The following ANKFY1 variants were observed in gnomAD, a reference collection of about 807,000 sequenced individuals.
ANKFY1 encodes ankyrin repeat and FYVE domain containing 1, also known as ankyrin repeat and FYVE domain-containing protein 1.
Under a neutral mutation model 128.3 loss-of-function variants are expected in ANKFY1, and 47 were observed. The observed-to-expected ratio is 0.37, with a 90% CI of 0.29 to 0.47. ANKFY1 has a LOEUF of 0.47. ANKFY1 is among the 20% of genes least tolerant of loss of function. The pLI, the probability that ANKFY1 is intolerant of heterozygous loss-of-function variation, is 1.00. For missense variants in ANKFY1, 1,222 were observed against 1,510.6 expected, an observed-to-expected ratio of 0.81 and a Z score of 3.17; for synonymous variants, 553 against 601.6, an observed-to-expected ratio of 0.92 and a Z score of 1.18.
At chr17:4,254,920 G>A (rs1472321731) in intron 1 of ANKFY1, among the ~76,000 whole-genome samples, 1 of 152,062 alleles carries the variant, frequency 6.6e-6, no homozygotes, top group African/African-American at 2.4e-5. Context: ...TAAGTGAGTT[G>A]CCTAAAATCA....
At chr17:4,260,128 T>G (rs1230849066) in intron 1 of ANKFY1, among the ~76,000 whole-genome samples, 1 of 152,146 alleles carries the variant, frequency 6.6e-6, no homozygotes, top group Non-Finnish European at 1.5e-5. Flanking sequence ...TGGAATATAT[T>G]TTAAGATTAC....
chr17:4,170,957 G>A (rs1466607294), intron 22 of ANKFY1, 96 bp from the exon 23 acceptor site: 17 of 1,558,708 alleles, frequency 1.1e-5, no homozygotes, highest in Admixed American at 8.7e-5. Flanking sequence ...AGAACAGACC[G>A]CTGGCAGGAA....
intron 7 of ANKFY1, among the ~76,000 whole-genome samples, chr17:4,200,063 A>ATTTTTTTT (rs71383528): frequency 7.0e-6 from 1 of 142,918 alleles, no homozygotes. Context: ...GGTTTTGGGG[A>ATTTTTTTT]TTTTTTTTTT....
At chr17:4,175,499 A>G (rs751172266) in intron 19 of ANKFY1, among the ~76,000 whole-genome samples, 7 of 152,192 alleles carry the variant, frequency 4.6e-5, no homozygotes, top group Non-Finnish European at 8.8e-5. Flanking sequence ...CAGAAAATAC[A>G]TGTAGTCTGT....
intron 15 of ANKFY1, 92 bp downstream of exon 15, chr17:4,182,089 T>C: frequency 4.8e-6 from 6 of 1,252,302 alleles, no homozygotes; most frequent in South Asian, 2.8e-5. Context: ...TTGACAGATC[T>C]TGCTCCTGTG....
intron 2 of ANKFY1, 33 bp downstream of exon 2, chr17:4,242,223 C>A: frequency 1.4e-6 from 2 of 1,471,402 alleles, no homozygotes; most frequent in South Asian, 1.4e-5. Flanking sequence ...GGAATAAAGC[C>A]AAAGGGCCTT....
chr17:4,168,137 T>TTG (rs1248441983), intron 24 of ANKFY1: 1 of 361,676 alleles, frequency 2.8e-6, no homozygotes, highest in Admixed American at 4.4e-5. Context: ...AAGAAGGCTT[T>TTG]TTTTTTTTTT....
intron 1 of ANKFY1, among the ~76,000 whole-genome samples, chr17:4,256,289 G>A (rs1302965748): frequency 1.3e-5 from 2 of 151,832 alleles, no homozygotes; most frequent in African/African-American, 2.4e-5. Flanking sequence ...TTAGCCAGGC[G>A]CAGTGGCGGG....
At position 4,242,456 on chromosome 17, in the gene ANKFY1, G is replaced by A; in HGVS notation, c.11-8C>T. On this transcript the variant is annotated splice_polypyrimidine_tract_variant and splice_region_variant and intron_variant, in intron 1 of 24. Transcript: ENST00000341657. ...CCAACTTGGCCACCTCCTCTGCAAG[G>A]AAAACGAAGAATCAAGTTCACCGTG... is the stretch of plus-strand genomic sequence containing the variant. 1 of 1,535,708 alleles carries A rather than the reference G, an allele frequency of 6.5e-7. No homozygotes were observed. The highest frequency in any genetic ancestry group is 8.7e-7 in the Non-Finnish European group (1 of 1,144,016).
intron 3 of ANKFY1, chr17:4,223,294 G>C: frequency 9.6e-7 from 1 of 1,041,320 alleles, no homozygotes; most frequent in Non-Finnish European, 1.5e-6. Context: ...TGTTTTTACG[G>C]CAGTGCAAGT....
At chr17:4,170,939 C>T in intron 22 of ANKFY1, 78 bp from the exon 23 acceptor site, 1 of 1,601,504 alleles carries the variant, frequency 6.2e-7, no homozygotes, top group East Asian at 2.2e-5. Flanking sequence ...CGGAGGACAG[C>T]CAAGGGCAGA....
intron 1 of ANKFY1, among the ~76,000 whole-genome samples, chr17:4,244,926 C>T (rs1378010138): frequency 1.3e-5 from 2 of 152,052 alleles, no homozygotes; most frequent in African/African-American, 4.8e-5. Context: ...AAATCCTCAG[C>T]CCCGCCATCT....
At chr17:4,257,722 C>A (rs1220016975) in intron 1 of ANKFY1, among the ~76,000 whole-genome samples, 1 of 152,162 alleles carries the variant, frequency 6.6e-6, no homozygotes, top group East Asian at 1.9e-4. Flanking sequence ...CTTTTATCTC[C>A]CCTCCTAGAC....
Position 4,177,263 on chromosome 17 carries a change from G to C in ANKFY1, c.2638C>G (p.Gln880Glu), listed in dbSNP as rs2059425888. 6.3e-7 allele frequency: 1 copy of C among 1,598,352 alleles called. No homozygotes were observed. The highest frequency in any genetic ancestry group is 8.5e-7 in the Non-Finnish European group (1 of 1,172,342). ...KGRNFLHVAV[Q>E]NSDIESVLFL... ...AGCACACTTTCAATATCAGAGTTCT[G>C]AACTGCCACATGAAGGAAATTCCGG... Residue 880 changes from glutamine (Q) to glutamate (E), a missense_variant, in exon 19 of 25, where the codon CAG becomes GAG. Gln to Glu is a conservative substitution (Grantham distance 29). Transcript: ENST00000341657.
At chr17:4,263,500 G>A in intron 1 of ANKFY1, 1 of 1,247,682 alleles carries the variant, frequency 8.0e-7, no homozygotes, top group Non-Finnish European at 1.1e-6. Flanking sequence ...CCCAGCCCGA[G>A]GAGACCCACG....
intron 4 of ANKFY1, among the ~76,000 whole-genome samples, chr17:4,210,953 AC>A (rs2060118949): frequency 6.6e-6 from 1 of 151,824 alleles, no homozygotes; most frequent in Non-Finnish European, 1.5e-5. Context: ...AATTGCTTGA[AC>A]CCAGGAGGCG....
intron 7 of ANKFY1, among the ~76,000 whole-genome samples, chr17:4,199,943 A>T (rs2059897413): frequency 6.6e-6 from 1 of 152,220 alleles, no homozygotes; most frequent in Admixed American, 6.5e-5. Flanking sequence ...ATCATAACAC[A>T]CAGAACAGAA....
At chr17:4,192,780 T>A (rs113280903) in intron 10 of ANKFY1, among the ~76,000 whole-genome samples, 4,263 of 152,274 alleles carry the variant, frequency 0.028, 199 homozygotes, top group African/African-American at 0.097. Flanking sequence ...CTGGTCCGGG[T>A]GCAGTGGTGT....
chr17:4,174,579 C>T (rs371553296), intron 19 of ANKFY1, among the ~76,000 whole-genome samples: 4 of 152,250 alleles, frequency 2.6e-5, no homozygotes, highest in Admixed American at 6.5e-5. Context: ...CACAAGCATG[C>T]AGGCACAGAG....
Sources: allele counts gnomAD v4.1 joint callset (sites outside exome capture counted in the v4.1 genomes callset), GRCh38; gene constraint gnomAD v4.1.1; transcripts MANE v1.5; gene names NCBI Gene and HGNC (gene_info 2026-07-23, HGNC 2026-07-21).